Variants in COL15A1 observed in about 807,000 individuals in gnomAD.
The protein encoded by COL15A1 is collagen type XV alpha 1 chain.
COL15A1 carries 111 observed loss-of-function variants against 165.9 expected under a neutral mutation model. The ratio of observed to expected loss-of-function variants is 0.67; its 90% CI spans 0.57 to 0.78. COL15A1 has a LOEUF of 0.78. Ranked by LOEUF, COL15A1 falls within the 30% of genes least tolerant of loss-of-function variation. The probability of loss-of-function intolerance (pLI) is 0.00; values close to 1 mark genes in which losing one functional copy is unlikely to be tolerated. For synonymous variants in COL15A1, 659 were observed against 674.8 expected (o/e 0.98, Z 0.36); for missense variants, 1,745 against 1,789.7 (o/e 0.98, Z 0.45).
At chr9:99,054,825 G>A (rs1564088892) in intron 32 of COL15A1, among the ~76,000 whole-genome samples, 169 bp downstream of exon 32, 2 of 152,168 alleles carry the variant, frequency 1.3e-5, no homozygotes, top group Non-Finnish European at 2.9e-5. Context: ...TGTCCAATAG[G>A]GAACATTGTC....
chr9:99,070,418 T>G lies in COL15A1; in HGVS notation c.*532T>G. 1 of 292,686 alleles carries G rather than the reference T, an allele frequency of 3.4e-6. No individual in the cohort carries two copies. Among genetic ancestry groups the G allele is most frequent in the South Asian group, 2.8e-5 (1 of 35,140 alleles). The allele number at this position is 292,686 out of a possible 1,614,324, so 18.1% of individuals were successfully genotyped here. A position where few individuals can be genotyped will look rare whatever the true frequency, so the allele number is the denominator to read the frequency against. On this transcript the variant is annotated 3_prime_UTR_variant, in exon 42 of 42. Coordinates refer to ENST00000375001, the MANE Select transcript of COL15A1 (RefSeq NM_001855.5). ...TTTGTATTTTCTGATGCTATCAGAC[T>G]CTAATGTTTTTTTCCCTAAAATATT...
intron 39 of COL15A1, among the ~76,000 whole-genome samples, chr9:99,065,617 G>A (rs909294991): frequency 2.0e-5 from 3 of 149,548 alleles, no homozygotes; most frequent in South Asian, 2.2e-4. Context: ...GGCTCAGTGC[G>A]GGGCAGGAAG....
intron 12 of COL15A1, 133 bp from the exon 13 acceptor site, chr9:99,021,958 C>A: frequency 8.2e-7 from 1 of 1,226,692 alleles, no homozygotes. Flanking sequence ...CTTAAGCTGT[C>A]TCTGCAAAGG....
chr9:98,965,513 A>T (rs1022420273), intron 2 of COL15A1, among the ~76,000 whole-genome samples: 9 of 151,986 alleles, frequency 5.9e-5, no homozygotes, highest in African/African-American at 2.2e-4. Context: ...TGAGATTAAC[A>T]TTTCTAAGTC....
At chr9:99,011,667 AT>A (rs1166712270) in intron 9 of COL15A1, among the ~76,000 whole-genome samples, 1 of 152,038 alleles carries the variant, frequency 6.6e-6, no homozygotes, top group East Asian at 1.9e-4. Flanking sequence ...CTTACAATAT[AT>A]TTTTTAATTG....
chr9:98,967,498 G>T (rs1837976286), intron 2 of COL15A1, among the ~76,000 whole-genome samples: 1 of 152,202 alleles, frequency 6.6e-6, no homozygotes, highest in Admixed American at 6.5e-5. Context: ...CACAGCTGGG[G>T]CCACTTGGCT....
intron 2 of COL15A1, among the ~76,000 whole-genome samples, chr9:98,981,419 T>A (rs1165928160): frequency 1.3e-5 from 2 of 151,866 alleles, no homozygotes; most frequent in African/African-American, 2.4e-5. Context: ...ATTGTGCCAC[T>A]GCACTCCAGC....
chr9:98,983,199 C>T (rs899204707), intron 2 of COL15A1, among the ~76,000 whole-genome samples: 3 of 152,146 alleles, frequency 2.0e-5, no homozygotes, highest in Admixed American at 1.3e-4. Context: ...GTGAGTGTTG[C>T]GGAGTTGAGA....
At chr9:99,032,315 G>C (rs1423450495) in intron 16 of COL15A1, among the ~76,000 whole-genome samples, 1 of 151,992 alleles carries the variant, frequency 6.6e-6, no homozygotes, top group Non-Finnish European at 1.5e-5. Flanking sequence ...TCAGCCTCCT[G>C]AGTAGCTGGG....
At chr9:99,029,393 T>G (rs1839178510) in intron 16 of COL15A1, among the ~76,000 whole-genome samples, 1 of 152,224 alleles carries the variant, frequency 6.6e-6, no homozygotes. Context: ...TACAATTAGA[T>G]CATCATCACC....
At chr9:99,067,412 G>A (rs950389078) in intron 40 of COL15A1, among the ~76,000 whole-genome samples, 5 of 152,210 alleles carry the variant, frequency 3.3e-5, no homozygotes, top group Non-Finnish European at 5.9e-5. Flanking sequence ...CTGAGGCTCA[G>A]AAGAAGAAAC....
At position 99,000,961 on chromosome 9, in the gene COL15A1, TG is replaced by T; in HGVS notation, c.1065+12del. The stretch of plus-strand genomic sequence containing the variant: ...CATTGCTGAAGAAAAGGTGAGTAGA[TG>T]GTAAATTTCATTTGATTAGTCAGTA... On this transcript the variant is annotated intron_variant, in intron 7 of 41. Coordinates refer to ENST00000375001, the MANE Select transcript of COL15A1 (RefSeq NM_001855.5). 7.9e-7 allele frequency: 1 copy of T among 1,262,518 alleles called. No individual in the cohort carries two copies. The highest frequency in any genetic ancestry group is 1.2e-6 in the Non-Finnish European group (1 of 858,722). The allele number at this position is 1,262,518 out of a possible 1,614,324, so 78.2% of individuals were successfully genotyped here.
At chr9:99,038,844 T>C (rs1839350874) in intron 22 of COL15A1, 111 bp downstream of exon 22, 1 of 655,400 alleles carries the variant, frequency 1.5e-6, no homozygotes, top group South Asian at 1.9e-5. Context: ...AGCTAGAATA[T>C]ATCAAAGTAG....
chr9:99,008,472 C>T (rs1434895019), intron 9 of COL15A1, among the ~76,000 whole-genome samples: 1 of 152,150 alleles, frequency 6.6e-6, no homozygotes, highest in African/African-American at 2.4e-5. Flanking sequence ...CAGCTGTGCT[C>T]TGTTACAAAA....
intron 9 of COL15A1, among the ~76,000 whole-genome samples, chr9:99,005,325 G>C (rs931490602): frequency 4.6e-5 from 7 of 152,116 alleles, no homozygotes; most frequent in East Asian, 1.9e-4. Context: ...CCACCCACAG[G>C]GGGTGGGAGC....
chr9:98,970,043 TAAAAAAAAAA>T (rs5899366), intron 2 of COL15A1, among the ~76,000 whole-genome samples: 1 of 139,522 alleles, frequency 7.2e-6, no homozygotes, highest in African/African-American at 2.6e-5. Context: ...ATTAGTAGTT[TAAAAAAAAAA>T]AAAAAAAAGT....
At chr9:98,985,251 A>C (rs539574943) in intron 2 of COL15A1, among the ~76,000 whole-genome samples, 5 of 152,278 alleles carry the variant, frequency 3.3e-5, no homozygotes, top group Non-Finnish European at 7.3e-5. Context: ...TGTTTTTAAT[A>C]AAATGAAGCA....
At chr9:99,038,351 A>G (rs1258790610) in intron 21 of COL15A1, among the ~76,000 whole-genome samples, 2 of 152,262 alleles carry the variant, frequency 1.3e-5, no homozygotes, top group Non-Finnish European at 2.9e-5. Context: ...TAAAATAACC[A>G]CATGGACAAA....
At position 99,055,389 on chromosome 9, in the gene COL15A1, C is replaced by T; in HGVS notation, c.3192+17C>T. ...GGCCCGGCTGTGAGTAGAGACCCCT[C>T]CAAGTCATCTACCCCAAAGACTTAC... On this transcript the variant is annotated intron_variant, in intron 34 of 41. Coordinates refer to ENST00000375001, the MANE Select transcript of COL15A1 (RefSeq NM_001855.5). 2 of 1,468,560 alleles carry T rather than the reference C, an allele frequency of 1.4e-6. No individual in the cohort carries two copies. The highest frequency in any genetic ancestry group is 2.8e-5 in the African/African-American group (2 of 72,106). 91.0% of individuals were successfully genotyped at this position (1,468,560 alleles called of 1,614,324 possible).
Sources: gnomAD v4.1 joint callset for allele counts (sites outside exome capture counted in the v4.1 genomes callset) on GRCh38, gnomAD v4.1.1 for gene constraint, MANE v1.5 for transcripts, NCBI Gene and HGNC (gene_info 2026-07-23, HGNC 2026-07-21) for gene names.